Variants in KCNQ3 observed in about 807,000 individuals in gnomAD.
KCNQ3 encodes the protein potassium voltage-gated channel subfamily KQT member 3.
In KCNQ3, 30 loss-of-function variants were observed where a neutral mutation model predicts 92.5. The ratio of observed to expected loss-of-function variants is 0.32; its 90% CI spans 0.24 to 0.44. The LOEUF (loss-of-function observed/expected upper bound fraction) is 0.44. Among genes scored for constraint, KCNQ3 ranks in the 20% least tolerant of loss-of-function variants. The probability of loss-of-function intolerance (pLI) is 1.00; values close to 1 mark genes in which losing one functional copy is unlikely to be tolerated. For missense variants in KCNQ3, 913 were observed against 1,140.3 expected (o/e 0.80, Z 2.87); for synonymous variants, 450 against 468.8 (o/e 0.96, Z 0.52).
At chr8:132,381,117 T>C (rs1819739568) in intron 1 of KCNQ3, among the ~76,000 whole-genome samples, 1 of 152,178 alleles carries the variant, frequency 6.6e-6, no homozygotes, top group African/African-American at 2.4e-5. Flanking sequence ...TGCACACATA[T>C]GCTCGATCCA....
chr8:132,348,317 G>C (rs539171938), intron 1 of KCNQ3, among the ~76,000 whole-genome samples: 9 of 152,268 alleles, frequency 5.9e-5, no homozygotes, highest in Non-Finnish European at 1.3e-4. Context: ...GTGTAAATTT[G>C]CAACAGACGG....
intron 1 of KCNQ3, among the ~76,000 whole-genome samples, chr8:132,190,005 C>T (rs1827113317): frequency 6.6e-6 from 1 of 151,144 alleles, no homozygotes; most frequent in African/African-American, 2.4e-5. Context: ...TCCAACAATG[C>T]AAGCCATCAA....
chr8:132,169,406 A>G (rs1198292150), intron 8 of KCNQ3, among the ~76,000 whole-genome samples: 5 of 152,230 alleles, frequency 3.3e-5, no homozygotes, highest in African/African-American at 1.2e-4. Flanking sequence ...TCCAATGCAT[A>G]TTAATTTTGC....
At chr8:132,159,640 G>A (rs187764447) in intron 9 of KCNQ3, among the ~76,000 whole-genome samples, 25 of 152,230 alleles carry the variant, frequency 1.6e-4, no homozygotes, top group Middle Eastern at 3.4e-3. Context: ...GGAGAAAGTC[G>A]GCTGAGAGTA....
chr8:132,312,133 T>C (rs992810372), intron 1 of KCNQ3, among the ~76,000 whole-genome samples: 7 of 152,220 alleles, frequency 4.6e-5, no homozygotes, highest in Non-Finnish European at 7.3e-5. Context: ...AGCGTGGCTC[T>C]GCTGACACTT....
At chr8:132,267,799 A>G (rs531469189) in intron 1 of KCNQ3, among the ~76,000 whole-genome samples, 2 of 152,350 alleles carry the variant, frequency 1.3e-5, no homozygotes, top group Admixed American at 1.3e-4. Context: ...TTAAGTTAAC[A>G]AACAGCAAAA....
intron 1 of KCNQ3, among the ~76,000 whole-genome samples, chr8:132,420,028 GA>G (rs1307802433): frequency 6.6e-6 from 1 of 152,174 alleles, no homozygotes; most frequent in African/African-American, 2.4e-5. Flanking sequence ...CACAGTTCTG[GA>G]TACTGGAAGT....
intron 9 of KCNQ3, among the ~76,000 whole-genome samples, chr8:132,157,891 A>T (rs1383749001): frequency 6.6e-6 from 1 of 151,784 alleles, no homozygotes; most frequent in East Asian, 1.9e-4. Flanking sequence ...ATGTGTTCTC[A>T]TTGTTCAACT....
In KCNQ3 at chr8:132,174,384, A is replaced by G. The variant is rs374821815; in HGVS notation, c.934-35T>C. 1.7e-4 allele frequency: 240 copies of G among 1,438,922 alleles called. 3 individuals carry two copies. In the East Asian group the frequency reaches 3.7e-3, roughly 22 times the overall value. 89.1% of individuals were successfully genotyped at this position (1,438,922 alleles called of 1,614,324 possible). A position where few individuals can be genotyped will look rare whatever the true frequency, so the allele number is the denominator to read the frequency against. ...GAAGAGTTCAGACATGGAGTACCAC[A>G]TGGAGAGGAATATCAGGAACGTGTT... On this transcript the variant is annotated intron_variant, in intron 5 of 14. Coordinates refer to ENST00000388996, the MANE Select transcript of KCNQ3 (RefSeq NM_004519.4).
At position 132,236,085 on chromosome 8, in the gene KCNQ3, ACAGTCACCT is replaced by A. The variant is rs1814806087; in HGVS notation, c.387-49913_387-49905del. ...TCATAAAAACTTGCTTCTCCTCCAC[ACAGTCACCT>A]ATACCAGCATGGCAGTGGGACTGGG... On this transcript the variant is annotated intron_variant, in intron 1 of 14. Transcript: ENST00000388996. Among the ~76,000 whole-genome samples, 5 of 152,252 alleles carry A rather than the reference ACAGTCACCT, an allele frequency of 3.3e-5. No individual in the cohort carries two copies. The South Asian group carries it at 1.0e-3, about 32-fold the overall frequency.
chr8:132,350,144 T>C (rs529816039), intron 1 of KCNQ3, among the ~76,000 whole-genome samples: 4 of 152,232 alleles, frequency 2.6e-5, no homozygotes, highest in African/African-American at 9.6e-5. Flanking sequence ...AACACAAACA[T>C]TGTTGGCAGT....
intron 1 of KCNQ3, among the ~76,000 whole-genome samples, chr8:132,374,862 C>CT (rs1231924640): frequency 3.3e-5 from 5 of 152,168 alleles, no homozygotes; most frequent in Admixed American, 6.5e-5. Context: ...TGATCTCATT[C>CT]TTTTTTATGG....
rs142175584 is a variant in KCNQ3 at position 132,440,317 on chromosome 8, G to A, written c.386+39830C>T. 8.2e-3 allele frequency among the ~76,000 whole-genome samples: 1,247 copies of A among 152,252 alleles called. 21 individuals are homozygous for A. Among genetic ancestry groups the A allele is most frequent in the African/African-American group, 0.029 (1,194 of 41,542 alleles). On this transcript the variant is annotated intron_variant, in intron 1 of 14. Coordinates refer to ENST00000388996, the MANE Select transcript of KCNQ3 (RefSeq NM_004519.4). ...ACAGATGAAGTGCTGCCCTGCACTT[G>A]CACAGTCTTTCCACCGTTTTCCCTG...
At chr8:132,446,208 T>A (rs1821671405) in intron 1 of KCNQ3, among the ~76,000 whole-genome samples, 1 of 152,218 alleles carries the variant, frequency 6.6e-6, no homozygotes, top group African/African-American at 2.4e-5. Flanking sequence ...ACAACATGCC[T>A]CAGCCTGGAT....
intron 1 of KCNQ3, among the ~76,000 whole-genome samples, chr8:132,223,350 C>T (rs1563811880): frequency 6.6e-6 from 1 of 152,166 alleles, no homozygotes; most frequent in Non-Finnish European, 1.5e-5. Flanking sequence ...GACAGCTGAG[C>T]AAATCACTGT....
At chr8:132,237,779 A>G (rs1263303802) in intron 1 of KCNQ3, among the ~76,000 whole-genome samples, 1 of 152,230 alleles carries the variant, frequency 6.6e-6, no homozygotes, top group Non-Finnish European at 1.5e-5. Context: ...TCAAAGTAAA[A>G]TCACCTAAAA....
intron 1 of KCNQ3, among the ~76,000 whole-genome samples, chr8:132,340,506 CAAG>C (rs1818495330): frequency 6.6e-6 from 1 of 152,120 alleles, no homozygotes; most frequent in Non-Finnish European, 1.5e-5. Context: ...CAAACTAACA[CAAG>C]AACAGAAAAC....
intron 14 of KCNQ3, among the ~76,000 whole-genome samples, 173 bp from the exon 15 acceptor site, chr8:132,130,169 G>A (rs544473185): frequency 8.3e-4 from 119 of 144,212 alleles, no homozygotes; most frequent in Non-Finnish European, 1.4e-3. Context: ...TGCAACTTCC[G>A]CCTCCCGGGT....
At chr8:132,145,176 A>G (rs754185157) in intron 9 of KCNQ3, among the ~76,000 whole-genome samples, 1 of 152,236 alleles carries the variant, frequency 6.6e-6, no homozygotes, top group Non-Finnish European at 1.5e-5. Flanking sequence ...AAATATCAAT[A>G]GTGCTGAGGT....
Sources: gnomAD v4.1 joint callset for allele counts (sites outside exome capture counted in the v4.1 genomes callset) on GRCh38, gnomAD v4.1.1 for gene constraint, MANE v1.5 for transcripts, NCBI Gene and HGNC (gene_info 2026-07-23, HGNC 2026-07-21) for gene names.